CMTM8: variants seen among roughly 807,000 people sequenced by gnomAD.
The protein encoded by CMTM8 is CKLF like MARVEL transmembrane domain containing 8.
CMTM8 carries 12 observed loss-of-function variants against 18.6 expected under a neutral mutation model. That is an observed-to-expected ratio of 0.65 (90% confidence interval 0.41 to 1.05). The LOEUF is 1.05. Among genes scored for constraint, CMTM8 ranks in the 50% least tolerant of loss-of-function variants. The probability of loss-of-function intolerance (pLI) is 0.00; values close to 1 mark genes in which losing one functional copy is unlikely to be tolerated. For synonymous variants in CMTM8, 87 were observed against 90.6 expected, an observed-to-expected ratio of 0.96 and a Z score of 0.23; for missense variants, 217 against 227.2, an observed-to-expected ratio of 0.95 and a Z score of 0.29.
chr3:32,284,026 C>T (rs1193714245), intron 1 of CMTM8, among the ~76,000 whole-genome samples: 3 of 152,172 alleles, frequency 2.0e-5, no homozygotes, highest in East Asian at 1.9e-4. Context: ...CCGAGGTGGG[C>T]GGATCACCTG....
Position 32,361,253 on chromosome 3 carries a change from T to C in CMTM8, c.321+3707T>C, listed in dbSNP as rs1371337383. ...GCCTCGGTCTCCCAAAGTACTGGGATTACAGGTGTGAGCCACGGCGCCCAG... is the reference window on the plus strand; with the variant it reads ...GCCTCGGTCTCCCAAAGTACTGGGACTACAGGTGTGAGCCACGGCGCCCAG... On this transcript the variant is annotated intron_variant, in intron 2 of 3. Coordinates refer to ENST00000307526, the MANE Select transcript of CMTM8 (RefSeq NM_178868.5). Among the ~76,000 whole-genome samples, 7 of 129,558 alleles carry C rather than the reference T, an allele frequency of 5.4e-5. No individual in the cohort carries two copies. The East Asian group carries it at 1.7e-3, about 31-fold the overall frequency. The allele number at this position is 129,558 out of a possible 152,430, so 85.0% of individuals were successfully genotyped here.
At chr3:32,294,631 A>G (rs1310682742) in intron 1 of CMTM8, among the ~76,000 whole-genome samples, 23 of 152,190 alleles carry the variant, frequency 1.5e-4, no homozygotes, top group Admixed American at 1.4e-3. Flanking sequence ...AGCCACATAA[A>G]GTATGCGGCA....
chr3:32,258,573 G>A (rs1702205850), intron 1 of CMTM8, among the ~76,000 whole-genome samples: 1 of 152,114 alleles, frequency 6.6e-6, no homozygotes, highest in Non-Finnish European at 1.5e-5. Flanking sequence ...GCAGTGGCAT[G>A]ATCACAGTTC....
chr3:32,361,650 G>A (rs1351294793), intron 2 of CMTM8, among the ~76,000 whole-genome samples: 1 of 152,058 alleles, frequency 6.6e-6, no homozygotes, highest in African/African-American at 2.4e-5. Flanking sequence ...CATTGATAAG[G>A]CATGAACTTT....
Position 32,264,486 on chromosome 3 carries a change from A to G in CMTM8, c.147+25367A>G, listed in dbSNP as rs189263546. On this transcript the variant is annotated intron_variant, in intron 1 of 3. Transcript: ENST00000307526. ...CGTGGAAAGGAAACCCGTACCAGCC[A>G]CTGCAAAAACATGCCAAATTGTAAA... is the stretch of plus-strand genomic sequence containing the variant. 2.2e-4 allele frequency among the ~76,000 whole-genome samples: 33 copies of G among 152,354 alleles called. No individual in the cohort carries two copies. In the East Asian group the frequency reaches 5.6e-3, roughly 26 times the overall value.
intron 1 of CMTM8, among the ~76,000 whole-genome samples, chr3:32,308,027 G>A (rs556607019): frequency 1.3e-5 from 2 of 152,316 alleles, no homozygotes; most frequent in South Asian, 2.1e-4. Flanking sequence ...CCTTTAAGCG[G>A]CTCAATTCAA....
intron 1 of CMTM8, among the ~76,000 whole-genome samples, chr3:32,321,644 C>T (rs9310990): frequency 0.8 from 121,255 of 152,136 alleles, 49,491 homozygotes; most frequent in East Asian, 1. Context: ...ATCCCCCAGG[C>T]TGGATTACAG....
chr3:32,291,350 C>T (rs868126571), intron 1 of CMTM8, among the ~76,000 whole-genome samples: 30 of 151,338 alleles, frequency 2.0e-4, no homozygotes, highest in African/African-American at 7.0e-4. Flanking sequence ...CCGTGTTAGC[C>T]GGGATGGTCT....
chr3:32,283,609 C>G (rs1702637160), intron 1 of CMTM8, among the ~76,000 whole-genome samples: 1 of 152,184 alleles, frequency 6.6e-6, no homozygotes, highest in South Asian at 2.1e-4. Flanking sequence ...TCATATGGGT[C>G]TCTCCTACAT....
intron 1 of CMTM8, among the ~76,000 whole-genome samples, chr3:32,287,225 T>C (rs1030089812): frequency 6.6e-6 from 1 of 152,238 alleles, no homozygotes; most frequent in Non-Finnish European, 1.5e-5. Context: ...TAATAATGTT[T>C]GAATCTACAT....
chr3:32,265,716 TAAAG>T lies in CMTM8; in HGVS notation c.147+26601_147+26604del, dbSNP rs1438360258. On this transcript the variant is annotated intron_variant, in intron 1 of 3. Transcript: ENST00000307526. ...ATTGATAGACCGCTAGCAAGACTAA[TAAAG>T]AAAAAAAGAGAGAAGAATCAAATAG... 1.0e-4 allele frequency among the ~76,000 whole-genome samples: 15 copies of T among 150,390 alleles called. No individual in the cohort carries two copies. The South Asian group carries it at 2.9e-3, about 29-fold the overall frequency.
intron 1 of CMTM8, 104 bp from the exon 2 acceptor site, chr3:32,357,269 A>T (rs533732747): frequency 1.1e-6 from 1 of 916,994 alleles, no homozygotes; most frequent in South Asian, 1.7e-5. Context: ...ATAAGTTGTA[A>T]TTGACATTCT....
intron 1 of CMTM8, among the ~76,000 whole-genome samples, chr3:32,350,038 G>A (rs1249804063): frequency 6.6e-6 from 1 of 152,022 alleles, no homozygotes; most frequent in Non-Finnish European, 1.5e-5. Context: ...GGCACAAAAT[G>A]TCAATATGCC....
At chr3:32,361,286 G>GTTTTTTTTTTGGTTTTTTTTTGT (rs58364646) in intron 2 of CMTM8, among the ~76,000 whole-genome samples, 2 of 87,228 alleles carry the variant, frequency 2.3e-5, no homozygotes, top group African/African-American at 8.0e-5. Flanking sequence ...CAGCCTAAGA[G>GTTTTTTTTTTGGTTTTTTTTTGT]TTTTTTTTTC....
intron 1 of CMTM8, among the ~76,000 whole-genome samples, chr3:32,336,587 A>T (rs1696391044): frequency 6.6e-6 from 1 of 152,228 alleles, no homozygotes; most frequent in African/African-American, 2.4e-5. Flanking sequence ...GATGTGAGCG[A>T]TGTAACTGGT....
intron 1 of CMTM8, among the ~76,000 whole-genome samples, chr3:32,241,270 G>C (rs1666565103): frequency 6.6e-6 from 1 of 152,144 alleles, no homozygotes; most frequent in Non-Finnish European, 1.5e-5. Flanking sequence ...TAGCTGGGAT[G>C]CCCTCTTCCC....
At position 32,369,997 on chromosome 3, in the gene CMTM8, A is replaced by G; in HGVS notation, c.*30A>G. The stretch of plus-strand genomic sequence containing the variant: ...CCATTTTGATAATTAAAAGGAAAAA[A>G]AAAGGAAGACTCTCACTGTAAAAAC... On this transcript the variant is annotated 3_prime_UTR_variant, in exon 4 of 4. Coordinates refer to ENST00000307526, the MANE Select transcript of CMTM8 (RefSeq NM_178868.5). 7 of 1,369,392 alleles carry G rather than the reference A, an allele frequency of 5.1e-6. No individual in the cohort carries two copies. The highest frequency in any genetic ancestry group is 7.2e-6 in the Non-Finnish European group (7 of 977,696). The allele number at this position is 1,369,392 out of a possible 1,614,324, so 84.8% of individuals were successfully genotyped here. A position where few individuals can be genotyped will look rare whatever the true frequency, so the allele number is the denominator to read the frequency against.
At chr3:32,357,848 C>A (rs1378296947) in intron 2 of CMTM8, among the ~76,000 whole-genome samples, 1 of 152,128 alleles carries the variant, frequency 6.6e-6, no homozygotes, top group Non-Finnish European at 1.5e-5. Flanking sequence ...TTTATTATTT[C>A]CCTGTGAACA....
intron 1 of CMTM8, among the ~76,000 whole-genome samples, chr3:32,340,743 G>GACTATACAAA (rs1176553791): frequency 1.3e-5 from 2 of 152,148 alleles, no homozygotes; most frequent in East Asian, 3.8e-4. Flanking sequence ...ATACAAAACA[G>GACTATACAAA]ACAGTGAGCC....
Sources: gnomAD v4.1 joint callset for allele counts (sites outside exome capture counted in the v4.1 genomes callset) on GRCh38, gnomAD v4.1.1 for gene constraint, MANE v1.5 for transcripts, NCBI Gene and HGNC (gene_info 2026-07-23, HGNC 2026-07-21) for gene names.